FAT3: variants seen among roughly 807,000 people sequenced by gnomAD.
The protein encoded by FAT3 is protocadherin Fat 3.
In FAT3, 95 loss-of-function variants were observed where a neutral mutation model predicts 310.2. The observed-to-expected ratio is 0.31, with a 90% CI of 0.26 to 0.36. The LOEUF (loss-of-function observed/expected upper bound fraction) is 0.36, where lower values mean the gene tolerates loss of function less well. Ranked by LOEUF, FAT3 falls within the 10% of genes least tolerant of loss-of-function variation. FAT3 has a pLI of 1.00. For missense variants in FAT3, 5,408 were observed against 5,715.6 expected (o/e 0.95, Z 1.74); for synonymous variants, 2,314 against 2,192.9 (o/e 1.06, Z -1.54).
rs562518782 is a variant in FAT3, at chr11:92,621,226, A to G, written c.3608-76158A>G. Among the ~76,000 whole-genome samples the G allele has an allele frequency of 5.9e-5, 9 of 152,266 alleles. No individual in the cohort carries two copies. In the South Asian group the frequency reaches 1.7e-3, roughly 28 times the overall value. ...CACGTGTCTCCTTCCCAGTCAGCCA[A>G]GGGGAAATAGTTACATATGCTCTGG... On this transcript the variant is annotated intron_variant, in intron 3 of 27. Coordinates refer to ENST00000525166, the MANE Select transcript of FAT3 (RefSeq NM_001367949.2).
chr11:92,678,473 G>A (rs1330430102), intron 3 of FAT3, among the ~76,000 whole-genome samples: 1 of 152,104 alleles, frequency 6.6e-6, no homozygotes, highest in East Asian at 1.9e-4. Flanking sequence ...CATGCATGGA[G>A]GTGGAGCCCT....
chr11:92,623,172 T>A (rs77411799), intron 3 of FAT3, among the ~76,000 whole-genome samples: 87,110 of 151,996 alleles, frequency 0.57, 26,716 homozygotes, highest in African/African-American at 0.8. Flanking sequence ...AGTCCCATGT[T>A]GCTACATGTT....
At chr11:92,755,005 AAG>A (rs1332766229) in intron 4 of FAT3, among the ~76,000 whole-genome samples, 2 of 152,206 alleles carry the variant, frequency 1.3e-5, no homozygotes, top group Non-Finnish European at 2.9e-5. Flanking sequence ...GAATGTAAAA[AAG>A]TCAAATTTAT....
At position 92,553,691 on chromosome 11, in the gene FAT3, TCC is replaced by T. The variant is rs1565406383; in HGVS notation, c.3607+28744_3607+28745del. Among the ~76,000 whole-genome samples, 32 of 57,862 alleles carry T rather than the reference TCC, an allele frequency of 5.5e-4. No homozygotes were observed. In the East Asian group the frequency reaches 0.021, roughly 38 times the overall value. The allele number at this position is 57,862 out of a possible 152,430, so 38.0% of individuals were successfully genotyped here. ...AATCTCCGTCCCTTCCTTCCTTCCT[TCC>T]TTCCTTCCTTCCTTCCTTCCTTCCT... On this transcript the variant is annotated intron_variant, in intron 3 of 27. Coordinates refer to ENST00000525166, the MANE Select transcript of FAT3 (RefSeq NM_001367949.2).
chr11:92,600,313 C>G (rs1266127454), intron 3 of FAT3, among the ~76,000 whole-genome samples: 2 of 152,304 alleles, frequency 1.3e-5, no homozygotes, highest in East Asian at 3.9e-4. Flanking sequence ...AGTGCATAAA[C>G]TTCTAATTAC....
chr11:92,246,868 A>C (rs1430286783), intron 1 of FAT3, among the ~76,000 whole-genome samples: 1 of 152,124 alleles, frequency 6.6e-6, no homozygotes, highest in Non-Finnish European at 1.5e-5. Context: ...GGTTGTCAAG[A>C]GATGTGAGTC....
intron 13 of FAT3, among the ~76,000 whole-genome samples, chr11:92,824,347 ACT>A (rs1212048518): frequency 6.6e-6 from 1 of 151,984 alleles, no homozygotes; most frequent in Admixed American, 6.6e-5. Flanking sequence ...ACAGAGTGAG[ACT>A]CTGTCTCAAA....
At chr11:92,664,958 G>A (rs1343312617) in intron 3 of FAT3, among the ~76,000 whole-genome samples, 1 of 152,122 alleles carries the variant, frequency 6.6e-6, no homozygotes, top group Admixed American at 6.6e-5. Context: ...CTTGTAATTT[G>A]GTCATATGTT....
At chr11:92,237,432 G>A (rs1864476502) in intron 1 of FAT3, among the ~76,000 whole-genome samples, 1 of 152,050 alleles carries the variant, frequency 6.6e-6, no homozygotes, top group African/African-American at 2.4e-5. Flanking sequence ...TTTGGGACTA[G>A]GGACTTTTCC....
intron 3 of FAT3, among the ~76,000 whole-genome samples, chr11:92,595,481 A>G (rs1399696954): frequency 6.6e-6 from 1 of 152,180 alleles, no homozygotes; most frequent in Non-Finnish European, 1.5e-5. Context: ...TGTCCACAAC[A>G]CAAATTGCTT....
At chr11:92,620,775 A>G (rs1941050450) in intron 3 of FAT3, among the ~76,000 whole-genome samples, 1 of 152,156 alleles carries the variant, frequency 6.6e-6, no homozygotes, top group Non-Finnish European at 1.5e-5. Flanking sequence ...CTGTAACGGA[A>G]TACTCTGATG....
intron 4 of FAT3, among the ~76,000 whole-genome samples, chr11:92,744,639 T>TTGCTGTAG (rs142521917): frequency 0.01 from 1,565 of 152,302 alleles, 24 homozygotes; most frequent in African/African-American, 0.034. Flanking sequence ...ATAACTGACA[T>TTGCTGTAG]TGCTGTAGTA....
At chr11:92,723,552 G>A (rs550005775) in intron 4 of FAT3, among the ~76,000 whole-genome samples, 60 of 152,208 alleles carry the variant, frequency 3.9e-4, no homozygotes, top group African/African-American at 1.4e-3. Context: ...TATCTTTTCA[G>A]CAGGGCTTCA....
Position 92,711,800 on chromosome 11 carries a change from C to T in FAT3, c.3669+14355C>T, listed in dbSNP as rs1722910746. The stretch of plus-strand genomic sequence containing the variant: ...AAATATGTAACTTTAGACATCTAAA[C>T]AGGTTACCCACAAATATCAGCTACT... On this transcript the variant is annotated intron_variant, in intron 4 of 27. Transcript: ENST00000525166. 3.9e-5 allele frequency among the ~76,000 whole-genome samples: 6 copies of T among 152,152 alleles called. No individual in the cohort carries two copies. The South Asian group carries it at 1.2e-3, about 32-fold the overall frequency.
At chr11:92,484,096 T>C (rs1232120700) in intron 2 of FAT3, among the ~76,000 whole-genome samples, 1 of 152,256 alleles carries the variant, frequency 6.6e-6, no homozygotes, top group African/African-American at 2.4e-5. Flanking sequence ...TGTGAGCATC[T>C]GCATGAATTT....
intron 3 of FAT3, among the ~76,000 whole-genome samples, chr11:92,685,367 C>G (rs1385715002): frequency 1.3e-5 from 2 of 151,976 alleles, no homozygotes; most frequent in Non-Finnish European, 2.9e-5. Context: ...GAACCTGTAA[C>G]ATTTTATGTT....
At chr11:92,710,140 C>A (rs552403911) in intron 4 of FAT3, among the ~76,000 whole-genome samples, 2 of 152,116 alleles carry the variant, frequency 1.3e-5, no homozygotes, top group African/African-American at 4.8e-5. Context: ...TGCATAAGTA[C>A]TCATTAGTAG....
intron 2 of FAT3, among the ~76,000 whole-genome samples, chr11:92,360,554 A>G (rs1196234648): frequency 6.6e-6 from 1 of 152,250 alleles, no homozygotes; most frequent in African/African-American, 2.4e-5. Flanking sequence ...AGAGCACAGT[A>G]TATATCTCAA....
In FAT3 at chr11:92,330,999, TGTGTGAGAGAGAGAGAGA is replaced by T. The variant is rs1423114393; in HGVS notation, c.-17-21095_-17-21078del. ...GTGTGTGTGTGTGTGTGTGTGTGTGTGTGTGAGAGAGAGAGAGAGAGAAACATTTACAGCTTTTCAGAT... is the reference window on the plus strand; with the variant it reads ...GTGTGTGTGTGTGTGTGTGTGTGTGTGAGAAACATTTACAGCTTTTCAGAT... On this transcript the variant is annotated intron_variant, in intron 1 of 27. Transcript: ENST00000525166. 6.9e-3 allele frequency among the ~76,000 whole-genome samples: 818 copies of T among 117,950 alleles called. 4 individuals are homozygous for T. The highest frequency in any genetic ancestry group is 9.5e-3 in the Non-Finnish European group (605 of 63,742). 77.4% of individuals were successfully genotyped at this position (117,950 alleles called of 152,430 possible).
Sources: allele counts gnomAD v4.1 joint callset (sites outside exome capture counted in the v4.1 genomes callset), GRCh38; gene constraint gnomAD v4.1.1; transcripts MANE v1.5; gene names NCBI Gene and HGNC (gene_info 2026-07-23, HGNC 2026-07-21).